The following FGF18 variants were observed in gnomAD, a reference collection of about 807,000 sequenced individuals.
FGF18 encodes the protein fibroblast growth factor 18.
In FGF18, 5 loss-of-function variants were observed where a neutral mutation model predicts 23.0. That is an observed-to-expected ratio of 0.22 (90% confidence interval 0.11 to 0.46). The LOEUF (loss-of-function observed/expected upper bound fraction) is 0.46. Among genes scored for constraint, FGF18 ranks in the 20% least tolerant of loss-of-function variants. The pLI is 0.99. For synonymous variants in FGF18, 117 were observed against 118.9 expected (o/e 0.98, Z 0.10); for missense variants, 180 against 291.6 (o/e 0.62, Z 2.79).
In FGF18 at chr5:171,420,027, C is replaced by T; in HGVS notation, c.-173C>T. On this transcript the variant is annotated 5_prime_UTR_variant, in exon 1 of 5. Coordinates refer to ENST00000274625, the MANE Select transcript of FGF18 (RefSeq NM_003862.3). ...CGCGCGGGGCGCTGATGCCGCAGGGCGCGCCGCGGAGCGCCCCGGAGCAGC... is the reference window on the plus strand; with the variant it reads ...CGCGCGGGGCGCTGATGCCGCAGGGTGCGCCGCGGAGCGCCCCGGAGCAGC... 1 of 318,428 alleles carries T rather than the reference C, an allele frequency of 3.1e-6. No homozygotes were observed. The highest frequency in any genetic ancestry group is 5.2e-6 in the Non-Finnish European group (1 of 190,494). 19.7% of individuals were successfully genotyped at this position (318,428 alleles called of 1,614,324 possible).
rs138337537 is a variant in FGF18, at chr5:171,436,169, G to T, written c.146G>T (p.Arg49Leu). 1.2e-6 allele frequency: 2 copies of T among 1,607,530 alleles called. No individual in the cohort carries two copies. Among genetic ancestry groups the T allele is most frequent in the South Asian group, 2.2e-5 (2 of 90,248 alleles). ...NQTRARDDVS[R>L]KQLRLYQLYS... ...ACGCGGGCTCGGGACGATGTGAGCC[G>T]TAAGCAGCTGCGGCTGTACCAGCTC... Residue 49 changes from arginine (R) to leucine (L), a missense_variant, in exon 3 of 5, where the codon CGT becomes CTT. Coordinates refer to ENST00000274625, the MANE Select transcript of FGF18 (RefSeq NM_003862.3). This position sits in a 1 kb window ranked among gnomAD's most constrained non-coding sequence, Gnocchi z 4.4.
intron 2 of FGF18, among the ~76,000 whole-genome samples, chr5:171,428,269 C>T (rs536485677): frequency 1.3e-5 from 2 of 152,196 alleles, no homozygotes; most frequent in South Asian, 4.1e-4. Flanking sequence ...CTCTGGGGAC[C>T]GGGATCCAGA....
At chr5:171,455,534 C>T (rs775191452) in intron 4 of FGF18, among the ~76,000 whole-genome samples, 6 of 152,202 alleles carry the variant, frequency 3.9e-5, no homozygotes, top group Non-Finnish European at 7.3e-5. Context: ...ATGTGAGCTT[C>T]AGACGTGGCT....
In FGF18 at chr5:171,451,375, C is replaced by G. The variant is rs1010333074; in HGVS notation, c.357+2122C>G. 6.6e-5 allele frequency among the ~76,000 whole-genome samples: 10 copies of G among 152,346 alleles called. No individual in the cohort carries two copies. The highest frequency in any genetic ancestry group is 2.4e-4 in the African/African-American group (10 of 41,582). Reference sequence around the variant, plus strand: ...ACCTCTGCCCCGCCCAGCGCCCCCTCGCTCTCTGGCCCCCGAGGCGGGAAT... The same window carrying G: ...ACCTCTGCCCCGCCCAGCGCCCCCTGGCTCTCTGGCCCCCGAGGCGGGAAT... On this transcript the variant is annotated intron_variant, in intron 4 of 4. Coordinates refer to ENST00000274625, the MANE Select transcript of FGF18 (RefSeq NM_003862.3). The surrounding 1 kb of genome is among the most constrained non-coding windows in gnomAD (Gnocchi z 4.5).
chr5:171,420,112 C>A lies in FGF18; in HGVS notation c.-88C>A. Reference sequence around the variant, plus strand: ...GCAGCAGCAGCGGCGGCGGCGGCGGCGGCGGCGGCGGAGGCGCCCGGTCCC... The same window carrying A: ...GCAGCAGCAGCGGCGGCGGCGGCGGAGGCGGCGGCGGAGGCGCCCGGTCCC... On this transcript the variant is annotated 5_prime_UTR_variant, in exon 1 of 5. Transcript: ENST00000274625. 8.7e-7 allele frequency: 1 copy of A among 1,148,008 alleles called. No homozygotes were observed. The highest frequency in any genetic ancestry group is 1.1e-6 in the Non-Finnish European group (1 of 898,140). 71.1% of individuals were successfully genotyped at this position (1,148,008 alleles called of 1,614,324 possible). A position where few individuals can be genotyped will look rare whatever the true frequency, so the allele number is the denominator to read the frequency against.
chr5:171,430,745 G>A (rs1450158897), intron 2 of FGF18, among the ~76,000 whole-genome samples: 3 of 133,160 alleles, frequency 2.3e-5, no homozygotes, highest in East Asian at 2.1e-4. Context: ...CCGAGATTGC[G>A]CCACTGCAGT....
intron 2 of FGF18, among the ~76,000 whole-genome samples, chr5:171,425,036 A>G (rs2113329087): frequency 6.6e-6 from 1 of 152,334 alleles, no homozygotes; most frequent in Non-Finnish European, 1.5e-5. Flanking sequence ...GGGCAGCTCC[A>G]AGGACGCACT....
intron 3 of FGF18, among the ~76,000 whole-genome samples, chr5:171,446,042 G>T (rs538033668): frequency 6.6e-6 from 1 of 152,236 alleles, no homozygotes; most frequent in African/African-American, 2.4e-5. Context: ...CTCTTTCTCT[G>T]AGAACTGCTG....
At chr5:171,439,782 ACT>A (rs1772313355) in intron 3 of FGF18, among the ~76,000 whole-genome samples, 2 of 151,980 alleles carry the variant, frequency 1.3e-5, no homozygotes, top group East Asian at 1.9e-4. Flanking sequence ...ACGCAGGGAG[ACT>A]CTAGCATCGG....
In FGF18 at chr5:171,451,312, G is replaced by C. The variant is rs1481112515; in HGVS notation, c.357+2059G>C. Among the ~76,000 whole-genome samples, 1 of 152,114 alleles carries C rather than the reference G, an allele frequency of 6.6e-6. No homozygotes were observed. Among genetic ancestry groups the C allele is most frequent in the Non-Finnish European group, 1.5e-5 (1 of 68,002 alleles). On this transcript the variant is annotated intron_variant, in intron 4 of 4. Coordinates refer to ENST00000274625, the MANE Select transcript of FGF18 (RefSeq NM_003862.3). The surrounding 1 kb of genome is among the most constrained non-coding windows in gnomAD (Gnocchi z 4.5). ...TCCTGTCTTCTGGGCCCACCCGGGGGACTCGAGGACGCCACCAAATCCACC... is the reference window on the plus strand; with the variant it reads ...TCCTGTCTTCTGGGCCCACCCGGGGCACTCGAGGACGCCACCAAATCCACC...
chr5:171,452,385 T>TGGA (rs1772529612), intron 4 of FGF18, among the ~76,000 whole-genome samples: 4 of 152,178 alleles, frequency 2.6e-5, no homozygotes, highest in Non-Finnish European at 5.9e-5. Flanking sequence ...CCTGCACATC[T>TGGA]CTGGCCACAG....
At chr5:171,423,773 C>CTTTTTT (rs61255857) in intron 2 of FGF18, among the ~76,000 whole-genome samples, 19 of 103,316 alleles carry the variant, frequency 1.8e-4, no homozygotes, top group East Asian at 5.9e-4. Flanking sequence ...GTGGATGGCA[C>CTTTTTT]TTTTTTTTTT....
intron 2 of FGF18, among the ~76,000 whole-genome samples, chr5:171,430,045 C>G (rs1772153638): frequency 6.6e-6 from 1 of 152,242 alleles, no homozygotes; most frequent in South Asian, 2.1e-4. Flanking sequence ...CTCAGTTTCC[C>G]TCTCTGTAAA....
chr5:171,425,362 G>A (rs1048113595), intron 2 of FGF18, among the ~76,000 whole-genome samples: 2 of 151,920 alleles, frequency 1.3e-5, no homozygotes, highest in Admixed American at 1.3e-4. Context: ...TCCTGCCTCA[G>A]CCTGCATGCC....
Position 171,420,522 on chromosome 5 carries a change from C to A in FGF18, c.69+79C>A, listed in dbSNP as rs577173566. On this transcript the variant is annotated intron_variant, in intron 2 of 4. Transcript: ENST00000274625. The stretch of plus-strand genomic sequence containing the variant: ...CGACCCCCCTTCCCCGGCCGCGCCC[C>A]CTCCCTGTGCCCCACCCCTCCTGGG... 5.9e-6 allele frequency: 8 copies of A among 1,357,924 alleles called. No individual in the cohort carries two copies. The Admixed American group carries it at 8.4e-5, about 14-fold the overall frequency. 84.1% of individuals were successfully genotyped at this position (1,357,924 alleles called of 1,614,324 possible).
chr5:171,428,017 G>A (rs1450301421), intron 2 of FGF18, among the ~76,000 whole-genome samples: 1 of 152,186 alleles, frequency 6.6e-6, no homozygotes, highest in African/African-American at 2.4e-5. Flanking sequence ...GAAAGGGTGA[G>A]TTCCCCCTGC....
intron 3 of FGF18, among the ~76,000 whole-genome samples, chr5:171,443,531 T>TTTTTTTTTTTTTTTTTG: frequency 8.7e-6 from 1 of 115,026 alleles, no homozygotes; most frequent in Non-Finnish European, 1.9e-5. Flanking sequence ...TTTTTTTTTT[T>TTTTTTTTTTTTTTTTTG]TAGCAGAGAC....
At chr5:171,442,786 G>A (rs991810294) in intron 3 of FGF18, among the ~76,000 whole-genome samples, 1 of 152,144 alleles carries the variant, frequency 6.6e-6, no homozygotes, top group African/African-American at 2.4e-5. Context: ...TCTTCACAGC[G>A]AGGCCCCGGA....
chr5:171,431,190 C>A (rs75073573), intron 2 of FGF18, among the ~76,000 whole-genome samples: 33,745 of 152,070 alleles, frequency 0.22, 3,928 homozygotes, highest in Middle Eastern at 0.28. Context: ...CTTGGTTGAT[C>A]TCTGGAAGCT....
Sources: gnomAD v4.1 joint callset for allele counts (sites outside exome capture counted in the v4.1 genomes callset) on GRCh38, gnomAD v4.1.1 for gene constraint, Gnocchi (gnomAD v3.1) non-coding constraint, MANE v1.5 for transcripts, NCBI Gene and HGNC (gene_info 2026-07-23, HGNC 2026-07-21) for gene names.